Variants in ARHGAP19 observed in about 807,000 individuals in gnomAD.
ARHGAP19 encodes the protein rho GTPase-activating protein 19.
In ARHGAP19, 48 loss-of-function variants were observed where a neutral mutation model predicts 60.9. That is an observed-to-expected ratio of 0.79 (90% confidence interval 0.62 to 1.00). The LOEUF is 1.00. Ranked by LOEUF, ARHGAP19 falls within the 50% of genes least tolerant of loss-of-function variation. ARHGAP19 has a pLI of 0.00. For synonymous variants in ARHGAP19, 209 were observed against 215.5 expected, an observed-to-expected ratio of 0.97 and a Z score of 0.27; for missense variants, 562 against 597.2, an observed-to-expected ratio of 0.94 and a Z score of 0.61.
At chr10:97,247,168 G>A (rs367707472) in intron 6 of ARHGAP19, among the ~76,000 whole-genome samples, 15 of 151,760 alleles carry the variant, frequency 9.9e-5, no homozygotes, top group Non-Finnish European at 1.3e-4. Context: ...AAAATTAGCC[G>A]GGCATGGTGG....
chr10:97,256,961 A>C (rs1258784724), intron 5 of ARHGAP19, among the ~76,000 whole-genome samples: 1 of 152,136 alleles, frequency 6.6e-6, no homozygotes, highest in Non-Finnish European at 1.5e-5. Flanking sequence ...CTCTACCAAA[A>C]ATACAAAAAA....
chr10:97,256,379 T>G lies in ARHGAP19; in HGVS notation c.866A>C (p.Asn289Thr). The G allele has an allele frequency of 6.2e-7, 1 of 1,614,106 alleles. No homozygotes were observed. Among genetic ancestry groups the G allele is most frequent in the Non-Finnish European group, 8.5e-7 (1 of 1,179,960 alleles). The change falls in exon 6 of 12, where the codon AAT becomes ACT. Residue 289 changes from asparagine to threonine, a missense_variant. By Grantham distance (65) the Asn-to-Thr change is moderately conservative. Coordinates refer to ENST00000358531, the MANE Select transcript of ARHGAP19 (RefSeq NM_032900.6). ...CATCCCACTGTTTAACTTTGTGATA[T>G]TCTCCTGAAGGTCATTTGCAGTGAC... is the stretch of plus-strand genomic sequence containing the variant. ...KNVTANDLQE[N>T]ITKLNSGMAF...
intron 1 of ARHGAP19, among the ~76,000 whole-genome samples, chr10:97,266,532 C>T (rs545836643): frequency 2.6e-5 from 4 of 152,290 alleles, no homozygotes; most frequent in South Asian, 4.2e-4. Context: ...TCCTTTGAAT[C>T]TCAGAAATAT....
chr10:97,254,985 G>A (rs988335214), intron 6 of ARHGAP19, among the ~76,000 whole-genome samples: 2 of 152,176 alleles, frequency 1.3e-5, no homozygotes, highest in African/African-American at 4.8e-5. Flanking sequence ...AATACCGTAT[G>A]AGTCCACTTA....
intron 1 of ARHGAP19, among the ~76,000 whole-genome samples, chr10:97,282,839 CTTTTTT>C (rs56387291): frequency 7.7e-5 from 7 of 90,992 alleles, no homozygotes; most frequent in Non-Finnish European, 2.3e-5. Flanking sequence ...TTTCTTTTTT[CTTTTTT>C]TTTTTTTTTT....
chr10:97,238,560 A>G (rs1203807483), intron 8 of ARHGAP19, among the ~76,000 whole-genome samples: 2 of 152,184 alleles, frequency 1.3e-5, no homozygotes, highest in Non-Finnish European at 2.9e-5. Context: ...ATTTACAAAC[A>G]AATTAAAAGT....
chr10:97,270,497 AG>A, intron 1 of ARHGAP19: 1 of 755,078 alleles, frequency 1.3e-6, no homozygotes, highest in Non-Finnish European at 2.1e-6. Flanking sequence ...AGAAATGTAT[AG>A]GACTAAAGAA....
intron 9 of ARHGAP19, among the ~76,000 whole-genome samples, chr10:97,233,799 C>T (rs1275488119): frequency 2.0e-5 from 3 of 150,936 alleles, no homozygotes; most frequent in Non-Finnish European, 3.0e-5. Context: ...AACCAGGAGG[C>T]GGAGGCTGCA....
chr10:97,258,941 A>G (rs1374911898), intron 5 of ARHGAP19, among the ~76,000 whole-genome samples: 3 of 152,234 alleles, frequency 2.0e-5, no homozygotes, highest in Admixed American at 2.0e-4. Context: ...CAGGAAATAC[A>G]AAAGTCAGGA....
chr10:97,261,553 A>T (rs910361670), intron 4 of ARHGAP19, among the ~76,000 whole-genome samples: 2 of 151,996 alleles, frequency 1.3e-5, no homozygotes, highest in African/African-American at 4.8e-5. Context: ...TAACATCTTT[A>T]TTTCTCCCCA....
At chr10:97,278,956 C>G (rs1429115298) in intron 1 of ARHGAP19, among the ~76,000 whole-genome samples, 1 of 152,170 alleles carries the variant, frequency 6.6e-6, no homozygotes, top group East Asian at 1.9e-4. Context: ...CAAGATTTAT[C>G]AAAATATGAG....
At chr10:97,289,333 C>A (rs963626097) in intron 1 of ARHGAP19, among the ~76,000 whole-genome samples, 4 of 151,970 alleles carry the variant, frequency 2.6e-5, no homozygotes, top group Admixed American at 2.6e-4. Flanking sequence ...CCAGGCTGAT[C>A]TGGAACTCCT....
intron 1 of ARHGAP19, among the ~76,000 whole-genome samples, chr10:97,291,111 C>T (rs895062729): frequency 6.6e-6 from 1 of 152,074 alleles, no homozygotes; most frequent in Non-Finnish European, 1.5e-5. Flanking sequence ...AAGAAATAGC[C>T]AATCATCTCT....
chr10:97,266,188 A>G lies in ARHGAP19; in HGVS notation c.57-63T>C, dbSNP rs547939657. The G allele has an allele frequency of 1.9e-6, 3 of 1,580,724 alleles. No homozygotes were observed. The South Asian group carries it at 3.4e-5, about 18-fold the overall frequency. On this transcript the variant is annotated intron_variant, in intron 1 of 11. Coordinates refer to ENST00000358531, the MANE Select transcript of ARHGAP19 (RefSeq NM_032900.6). ...TTTGTATGTTTCTTATGCACTACTCATTGGGTTATTTGGTCCTGACTCCAC... is the reference window on the plus strand; with the variant it reads ...TTTGTATGTTTCTTATGCACTACTCGTTGGGTTATTTGGTCCTGACTCCAC...
intron 4 of ARHGAP19, among the ~76,000 whole-genome samples, chr10:97,260,977 A>C (rs1226512868): frequency 1.3e-5 from 2 of 151,912 alleles, no homozygotes; most frequent in South Asian, 2.1e-4. Context: ...TGCCTTTGAT[A>C]ATGCTACTCA....
At chr10:97,245,086 ACCT>A (rs1842544133) in intron 7 of ARHGAP19, among the ~76,000 whole-genome samples, 1 of 151,814 alleles carries the variant, frequency 6.6e-6, no homozygotes, top group Admixed American at 6.6e-5. Context: ...GCTCACTGCA[ACCT>A]CCGCCTCCTG....
chr10:97,244,636 C>T (rs1004639161), intron 7 of ARHGAP19, among the ~76,000 whole-genome samples: 12 of 152,130 alleles, frequency 7.9e-5, no homozygotes, highest in Admixed American at 5.2e-4. Context: ...CAACTTAATA[C>T]GACAACTAGA....
At chr10:97,273,962 TACACACACACACACACAA>T (rs1564727195) in intron 1 of ARHGAP19, among the ~76,000 whole-genome samples, 4 of 149,866 alleles carry the variant, frequency 2.7e-5, no homozygotes, top group Admixed American at 6.6e-5. Flanking sequence ...AAGCCACACA[TACACACACACACACACAA>T]ACACACACAC....
In ARHGAP19 at chr10:97,223,238, GTTTTGGTTACGATTCATTACCTGC is replaced by G. The variant is rs1850838063; in HGVS notation, c.*2860_*2883del. The G allele has an allele frequency of 6.6e-6, 1 of 152,166 alleles. No homozygotes were observed. Among genetic ancestry groups the G allele is most frequent in the Non-Finnish European group, 1.5e-5 (1 of 68,058 alleles). The allele number at this position is 152,166 out of a possible 1,614,324, so 9.4% of individuals were successfully genotyped here. A position where few individuals can be genotyped will look rare whatever the true frequency, so the allele number is the denominator to read the frequency against. The stretch of plus-strand genomic sequence containing the variant: ...TTTCCTTTGCGGAGGATCAACTGTA[GTTTTGGTTACGATTCATTACCTGC>G]TCCTTTTTTTACGGTTCGTTACCTG... On this transcript the variant is annotated 3_prime_UTR_variant, in exon 12 of 12. Transcript: ENST00000358531.
Sources: allele counts gnomAD v4.1 joint callset (sites outside exome capture counted in the v4.1 genomes callset), GRCh38; gene constraint gnomAD v4.1.1; transcripts MANE v1.5; gene names NCBI Gene and HGNC (gene_info 2026-07-23, HGNC 2026-07-21).